FHL2: variants seen among roughly 807,000 people sequenced by gnomAD.
FHL2 encodes four and a half LIM domains 2, also known as four and a half LIM domains protein 2.
A neutral mutation model predicts 32.7 loss-of-function variants in FHL2; 20 were observed. The observed-to-expected ratio is 0.61, with a 90% confidence interval of 0.43 to 0.89. FHL2 has a LOEUF of 0.89. Ranked by LOEUF, FHL2 falls within the 40% of genes least tolerant of loss-of-function variation. The pLI is 0.00. For synonymous variants in FHL2, 123 were observed against 128.1 expected, an observed-to-expected ratio of 0.96 and a Z score of 0.27; for missense variants, 311 against 358.6, an observed-to-expected ratio of 0.87 and a Z score of 1.07.
rs1401042492 is a variant in FHL2 at position 105,433,905 on chromosome 2, G to A, written c.-25+4494C>T. ...CTTATTTCATCTTACAGAATGTTGA[G>A]TTTTCAAAATGTCCAAAAGAGAACA... On this transcript the variant is annotated intron_variant, in intron 1 of 5. Coordinates refer to the FHL2 transcript ENST00000393352. Among the ~76,000 whole-genome samples the A allele has an allele frequency of 3.9e-5, 6 of 152,080 alleles. No individual in the cohort carries two copies. The East Asian group carries it at 1.2e-3, about 29-fold the overall frequency.
chr2:105,388,835 A>AC (rs2104597173), intron 2 of FHL2, among the ~76,000 whole-genome samples: 1 of 134,258 alleles, frequency 7.4e-6, no homozygotes, highest in South Asian at 2.2e-4. Flanking sequence ...CTCCGTCTCA[A>AC]AAAAAAAAAA....
At chr2:105,376,032 G>A (rs779574327) in intron 3 of FHL2, 4 of 152,148 alleles carry the variant, frequency 2.6e-5, no homozygotes, top group Admixed American at 6.5e-5. Context: ...ATCATCGTTC[G>A]GGAACAGGCA....
chr2:105,396,987 A>G, intron 1 of FHL2: 1 of 324,710 alleles, frequency 3.1e-6, no homozygotes. Context: ...GGACAGGAGT[A>G]AACTACTCCT....
intron 6 of FHL2, among the ~76,000 whole-genome samples, chr2:105,362,477 T>C (rs1680340137): frequency 1.3e-5 from 2 of 152,194 alleles, no homozygotes; most frequent in African/African-American, 4.8e-5. Flanking sequence ...GTAGTTACAC[T>C]GAAAAGCCAC....
chr2:105,421,906 G>A (rs1445374166), intron 1 of FHL2, among the ~76,000 whole-genome samples: 2 of 152,200 alleles, frequency 1.3e-5, no homozygotes, highest in Non-Finnish European at 2.9e-5. Context: ...TGGAAAAGAT[G>A]TTTCTATTAC....
chr2:105,407,798 C>G (rs1056232530), intron 1 of FHL2, among the ~76,000 whole-genome samples: 1 of 152,118 alleles, frequency 6.6e-6, no homozygotes, highest in East Asian at 1.9e-4. Flanking sequence ...ATCCTCCCCC[C>G]GCTGCCACCA....
At chr2:105,382,466 T>C (rs1445445244) in intron 3 of FHL2, among the ~76,000 whole-genome samples, 1 of 152,202 alleles carries the variant, frequency 6.6e-6, no homozygotes, top group Admixed American at 6.5e-5. Context: ...CCTTTAACCC[T>C]TGGCAAGATC....
chr2:105,420,306 C>T (rs915070501), intron 1 of FHL2, among the ~76,000 whole-genome samples: 15 of 152,146 alleles, frequency 9.9e-5, no homozygotes, highest in African/African-American at 3.4e-4. Flanking sequence ...TCTGTCTTCA[C>T]GTGGACATAG....
intron 1 of FHL2, among the ~76,000 whole-genome samples, chr2:105,408,389 T>G (rs1038207704): frequency 6.6e-6 from 1 of 152,228 alleles, no homozygotes; most frequent in Admixed American, 6.5e-5. Context: ...TTCCAAGTCA[T>G]GTAATCCTAA....
At chr2:105,379,162 A>G (rs1681700173) in intron 3 of FHL2, among the ~76,000 whole-genome samples, 1 of 152,230 alleles carries the variant, frequency 6.6e-6, no homozygotes, top group African/African-American at 2.4e-5. Context: ...ACCATTGGGA[A>G]GTAATTGAAC....
chr2:105,381,312 C>T (rs1275242009), intron 3 of FHL2, among the ~76,000 whole-genome samples: 2 of 152,180 alleles, frequency 1.3e-5, no homozygotes, highest in Non-Finnish European at 1.5e-5. Flanking sequence ...GCAGAAATGA[C>T]AGCACTGTGT....
At chr2:105,429,239 T>C (rs1684352863) in intron 1 of FHL2, among the ~76,000 whole-genome samples, 1 of 152,204 alleles carries the variant, frequency 6.6e-6, no homozygotes, top group Non-Finnish European at 1.5e-5. Context: ...CAAATCGCAG[T>C]TCTGCCTCTT....
chr2:105,380,248 C>A (rs1034529133), intron 3 of FHL2, among the ~76,000 whole-genome samples: 1 of 152,164 alleles, frequency 6.6e-6, no homozygotes, highest in Non-Finnish European at 1.5e-5. Flanking sequence ...GAAAATGCCA[C>A]CAAAAGGCCT....
At chr2:105,396,626 G>T in intron 2 of FHL2, 21 bp downstream of exon 2, 1 of 1,609,228 alleles carries the variant, frequency 6.2e-7, no homozygotes, top group Non-Finnish European at 8.5e-7. Context: ...TAGGATAACA[G>T]AGGAAATTCA....
In FHL2 at chr2:105,386,420, C is replaced by CA; in HGVS notation, c.96dup (p.Glu33Ter). 1 of 1,614,208 alleles carries CA rather than the reference C, an allele frequency of 6.2e-7. No homozygotes were observed. Among genetic ancestry groups the CA allele is most frequent in the Non-Finnish European group, 8.5e-7 (1 of 1,180,042 alleles). ...TCGCAGGTGTTGGCGAACAGGGTCT[C>CA]AAAGCACACCACGCAGTAGGGGCTC... On this transcript the variant is annotated frameshift_variant, in exon 3 of 7. Coordinates refer to ENST00000530340, the MANE Select transcript of FHL2 (RefSeq NM_001318895.3). LOFTEE classifies it high-confidence loss of function.
chr2:105,361,806 T>C (rs1174445137), intron 6 of FHL2, among the ~76,000 whole-genome samples: 1 of 152,178 alleles, frequency 6.6e-6, no homozygotes, highest in Non-Finnish European at 1.5e-5. Context: ...TTTTATGACT[T>C]AATGATTGAA....
At chr2:105,391,624 G>C (rs1439266483) in intron 2 of FHL2, among the ~76,000 whole-genome samples, 3 of 152,210 alleles carry the variant, frequency 2.0e-5, no homozygotes, top group Admixed American at 2.0e-4. Flanking sequence ...CCCAGTGAAA[G>C]TTTACTGCAT....
chr2:105,427,067 G>A (rs1274020509), intron 1 of FHL2, among the ~76,000 whole-genome samples: 8 of 152,262 alleles, frequency 5.3e-5, no homozygotes, highest in Admixed American at 2.0e-4. Context: ...TAAGAGAGCC[G>A]CCCTTGGCAC....
In FHL2 at chr2:105,386,543, A is replaced by C. The variant is rs747796839; in HGVS notation, c.-24-3T>G. ...TTGACTCCTGGCTTTTCAGCAACCT[A>C]TCAAAAAGAAAAGAAAATCCAAGTC... On this transcript the variant is annotated splice_region_variant and splice_polypyrimidine_tract_variant and intron_variant, in intron 2 of 6. Transcript: ENST00000530340. The C allele has an allele frequency of 6.2e-7, 1 of 1,613,860 alleles. No homozygotes were observed. The highest frequency in any genetic ancestry group is 2.2e-5 in the East Asian group (1 of 44,874).
Sources: gnomAD v4.1 joint callset for allele counts (sites outside exome capture counted in the v4.1 genomes callset) on GRCh38, gnomAD v4.1.1 for gene constraint, MANE v1.5 for transcripts, NCBI Gene and HGNC (gene_info 2026-07-23, HGNC 2026-07-21) for gene names.